The following SENP1 variants were observed in gnomAD, a reference collection of about 807,000 sequenced individuals.
The protein encoded by SENP1 is SUMO specific peptidase 1, also known as sentrin-specific protease 1.
In SENP1, 21 loss-of-function variants were observed where a neutral mutation model predicts 93.0. The observed-to-expected ratio is 0.23, with a 90% CI of 0.16 to 0.33. The LOEUF (loss-of-function observed/expected upper bound fraction) is 0.33, where lower values mean the gene tolerates loss of function less well. Ranked by LOEUF, SENP1 falls within the 10% of genes least tolerant of loss-of-function variation. The pLI, the probability that SENP1 is intolerant of heterozygous loss-of-function variation, is 1.00. For synonymous variants in SENP1, 256 were observed against 259.6 expected (o/e 0.99, Z 0.13); for missense variants, 591 against 758.7 (o/e 0.78, Z 2.60).
intron 2 of SENP1, among the ~76,000 whole-genome samples, chr12:48,098,604 C>T (rs1334557452): frequency 1.3e-5 from 2 of 149,458 alleles, no homozygotes; most frequent in Non-Finnish European, 3.0e-5. Flanking sequence ...GATCGTGCCA[C>T]TGCACTCCAG....
intron 6 of SENP1, among the ~76,000 whole-genome samples, chr12:48,077,482 A>G (rs921483627): frequency 1.3e-5 from 2 of 152,196 alleles, no homozygotes; most frequent in Admixed American, 6.5e-5. Context: ...ACATATGGAA[A>G]TATAATTTTC....
At chr12:48,050,830 T>G (rs1941745734) in intron 13 of SENP1, among the ~76,000 whole-genome samples, 1 of 152,156 alleles carries the variant, frequency 6.6e-6, no homozygotes, top group Admixed American at 6.5e-5. Flanking sequence ...CTTCTACCCA[T>G]CTTATAATGT....
intron 8 of SENP1, 133 bp from the exon 9 acceptor site, chr12:48,071,854 G>A: frequency 1.7e-6 from 1 of 574,252 alleles, no homozygotes; most frequent in South Asian, 2.7e-5. Context: ...AAGGTTAGAT[G>A]GGAGAGAGAG....
At chr12:48,099,591 G>A (rs10875742) in intron 2 of SENP1, among the ~76,000 whole-genome samples, 53,854 of 151,898 alleles carry the variant, frequency 0.35, 9,728 homozygotes, top group Middle Eastern at 0.46. Context: ...TGAGGTGGGC[G>A]GATCACTTAC....
chr12:48,092,515 T>G (rs1366369267), intron 4 of SENP1, among the ~76,000 whole-genome samples: 2 of 152,206 alleles, frequency 1.3e-5, no homozygotes, highest in Non-Finnish European at 1.5e-5. Flanking sequence ...TTGATGTCTG[T>G]GACATGCCAT....
chr12:48,087,435 A>G (rs1236626917), intron 5 of SENP1, among the ~76,000 whole-genome samples: 1 of 152,260 alleles, frequency 6.6e-6, no homozygotes, highest in Admixed American at 6.5e-5. Flanking sequence ...TGCATTAAAA[A>G]AGCCACCTGC....
In SENP1 at chr12:48,044,675, G is replaced by C. The variant is rs1164066561; in HGVS notation, c.*647C>G. On this transcript the variant is annotated 3_prime_UTR_variant, in exon 18 of 18. Transcript: ENST00000549518. The stretch of plus-strand genomic sequence containing the variant: ...GGGACCTGTCCAGGGCTCATGTGCT[G>C]TGCCTCCGGATAGGATGAAGCTACA... 6.6e-6 allele frequency: 1 copy of C among 152,326 alleles called. No homozygotes were observed. The highest frequency in any genetic ancestry group is 2.4e-5 in the African/African-American group (1 of 41,378). The allele number at this position is 152,326 out of a possible 1,614,324, so 9.4% of individuals were successfully genotyped here.
At chr12:48,062,138 T>G (rs1451402833) in intron 13 of SENP1, among the ~76,000 whole-genome samples, 2 of 152,124 alleles carry the variant, frequency 1.3e-5, no homozygotes, top group Non-Finnish European at 2.9e-5. Context: ...TAGCAAGAAC[T>G]CAGCTCATAT....
chr12:48,076,274 C>T (rs1023868767), intron 6 of SENP1, among the ~76,000 whole-genome samples: 51 of 152,234 alleles, frequency 3.4e-4, no homozygotes, highest in Non-Finnish European at 3.1e-4. Flanking sequence ...GGACTACAGG[C>T]GCCCGCCACC....
chr12:48,047,933 G>T, intron 15 of SENP1, 68 bp downstream of exon 15: 2 of 981,820 alleles, frequency 2.0e-6, no homozygotes, highest in Non-Finnish European at 3.2e-6. Context: ...AAACAACTGA[G>T]TTCAATTACT....
In SENP1 at chr12:48,049,087, T is replaced by C. The variant is rs1380537627; in HGVS notation, c.1453A>G (p.Lys485Glu). Reference sequence around the variant, plus strand: ...AATGCATGCACACTTGGCAAGCCCTTCTCTTTACTTCGCTCCATCAGCATA... The same window carrying C: ...AATGCATGCACACTTGGCAAGCCCTCCTCTTTACTTCGCTCCATCAGCATA... ...MNMLMERSKEKGLPSVHAFNT... is the reference protein window; with the variant it reads ...MNMLMERSKEEGLPSVHAFNT... The change falls in exon 14 of 18, where the codon AAG becomes GAG. Residue 485 changes from lysine (K) to glutamate (E), a missense_variant. Physicochemically the swap from Lys to Glu is moderately conservative, Grantham distance 56. Coordinates refer to ENST00000549518, the MANE Select transcript of SENP1 (RefSeq NM_001267594.2). 1 of 1,613,596 alleles carries C rather than the reference T, an allele frequency of 6.2e-7. No homozygotes were observed. Among genetic ancestry groups the C allele is most frequent in the Non-Finnish European group, 8.5e-7 (1 of 1,179,684 alleles).
chr12:48,062,631 G>T (rs1443860685), intron 13 of SENP1, among the ~76,000 whole-genome samples: 2 of 152,194 alleles, frequency 1.3e-5, no homozygotes, highest in Non-Finnish European at 2.9e-5. Flanking sequence ...TTCTGAGGTA[G>T]TTAAGATATA....
chr12:48,099,226 C>G (rs151307928), intron 2 of SENP1: 1 of 151,978 alleles, frequency 6.6e-6, no homozygotes, highest in African/African-American at 2.4e-5. Flanking sequence ...ACTCAGGAGG[C>G]CGACCTGGAA....
Position 48,088,890 on chromosome 12 carries a change from T to A in SENP1, c.291A>T (p.Gln97His), listed in dbSNP as rs375417429. The A allele has an allele frequency of 1.9e-6, 3 of 1,602,648 alleles. No individual in the cohort carries two copies. Among genetic ancestry groups the A allele is most frequent in the Admixed American group, 3.5e-5 (2 of 57,908 alleles). The change falls in exon 5 of 18, where the codon CAA (glutamine) becomes CAT (histidine). Residue 97 changes from glutamine (Q) to histidine (H), a missense_variant. Around this residue, in one of 4 missense-constraint regions of SENP1, gnomAD observed 214 missense variants for 243.4 expected, o/e 0.88. Coordinates refer to ENST00000549518, the MANE Select transcript of SENP1 (RefSeq NM_001267594.2). ...LRTFGQSANG[Q>H]WRNSTPSSSS... ...TTGACGATGGGGTAGAATTTCTCCA[T>A]TGGCCATTTGCACTCTGGCCAAAGG...
chr12:48,046,841 T>C, intron 16 of SENP1, 137 bp downstream of exon 16: 1 of 614,354 alleles, frequency 1.6e-6, no homozygotes, highest in Non-Finnish European at 2.9e-6. Context: ...TAATTTATCC[T>C]CCCCCAGAAA....
chr12:48,057,373 G>T (rs1942618326), intron 13 of SENP1, among the ~76,000 whole-genome samples: 1 of 146,866 alleles, frequency 6.8e-6, no homozygotes, highest in African/African-American at 2.5e-5. Flanking sequence ...GGGATTACAG[G>T]CGCCTGCCAC....
intron 6 of SENP1, 65 bp downstream of exon 6, chr12:48,083,526 A>T (rs1053481501): frequency 7.8e-7 from 1 of 1,277,050 alleles, no homozygotes; most frequent in Non-Finnish European, 1.1e-6. Context: ...ATTAATAGGG[A>T]GCAAATGGCT....
In SENP1 at chr12:48,065,028, T is replaced by G. The variant is rs762166238; in HGVS notation, c.1275+37A>C. On this transcript the variant is annotated intron_variant, in intron 12 of 17. Coordinates refer to ENST00000549518, the MANE Select transcript of SENP1 (RefSeq NM_001267594.2). Reference sequence around the variant, plus strand: ...TCCGAGGGATTCTTTCTAAACATGATACTTAGTAGTGTAGAAATTAAGTGT... The same window carrying G: ...TCCGAGGGATTCTTTCTAAACATGAGACTTAGTAGTGTAGAAATTAAGTGT... The G allele has an allele frequency of 2.2e-6, 3 of 1,388,678 alleles. No homozygotes were observed. The African/African-American group carries it at 4.3e-5, about 20-fold the overall frequency. 86.0% of individuals were successfully genotyped at this position (1,388,678 alleles called of 1,614,324 possible).
rs11168405 is a variant in SENP1, at chr12:48,097,503, G to A, written c.135+491C>T. Among the ~76,000 whole-genome samples, 1,207 of 152,320 alleles carry A rather than the reference G, an allele frequency of 7.9e-3. 28 individuals carry two copies. Among genetic ancestry groups the A allele is most frequent in the African/African-American group, 0.028 (1,144 of 41,570 alleles). ...ACTTTCATGTGCATATAAATCAAAT[G>A]AGGATGTTTTTAAAATATAAATTCT... On this transcript the variant is annotated intron_variant, in intron 3 of 17. Coordinates refer to ENST00000549518, the MANE Select transcript of SENP1 (RefSeq NM_001267594.2).
Sources: gnomAD v4.1 joint callset for allele counts (sites outside exome capture counted in the v4.1 genomes callset) on GRCh38, gnomAD v4.1.1 for gene constraint, gnomAD v4.1.1 regional missense constraint, MANE v1.5 for transcripts, NCBI Gene and HGNC (gene_info 2026-07-23, HGNC 2026-07-21) for gene names.